The following UBE4B variants were observed in gnomAD, a reference collection of about 807,000 sequenced individuals.
UBE4B encodes ubiquitin conjugation factor E4 B.
A neutral mutation model predicts 148.1 loss-of-function variants in UBE4B; 27 were observed. The observed-to-expected ratio is 0.18, with a 90% CI of 0.13 to 0.25. The LOEUF (loss-of-function observed/expected upper bound fraction) is 0.25, where lower values mean the gene tolerates loss of function less well. UBE4B is among the 10% of genes least tolerant of loss of function. UBE4B has a pLI of 1.00. For synonymous variants in UBE4B, 596 were observed against 619.3 expected (o/e 0.96, Z 0.56); for missense variants, 1,170 against 1,662.4 (o/e 0.70, Z 5.15).
At chr1:10,123,794 A>G (rs1001224865) in intron 10 of UBE4B, among the ~76,000 whole-genome samples, 5 of 152,054 alleles carry the variant, frequency 3.3e-5, no homozygotes, top group African/African-American at 1.2e-4. Context: ...GTTTTTTGAG[A>G]TGGAATTTTG....
At chr1:10,046,831 T>G (rs1348045185) in intron 1 of UBE4B, among the ~76,000 whole-genome samples, 1 of 152,238 alleles carries the variant, frequency 6.6e-6, no homozygotes, top group African/African-American at 2.4e-5. Flanking sequence ...TACCAGACTC[T>G]GAAAACTTTG....
intron 2 of UBE4B, 111 bp from the exon 3 acceptor site, chr1:10,095,347 TTGC>T: frequency 7.9e-7 from 1 of 1,260,524 alleles, no homozygotes; most frequent in Non-Finnish European, 1.1e-6. Context: ...AATTCCTCGG[TTGC>T]TGCAATGTCA....
chr1:10,104,212 AC>A (rs1645070340), intron 5 of UBE4B, among the ~76,000 whole-genome samples: 1 of 152,238 alleles, frequency 6.6e-6, no homozygotes, highest in East Asian at 1.9e-4. Flanking sequence ...GCAAGATAGA[AC>A]ATAATGACAT....
At chr1:10,071,971 G>C in intron 1 of UBE4B, 57 bp from the exon 2 acceptor site, 1 of 1,479,630 alleles carries the variant, frequency 6.8e-7, no homozygotes, top group Admixed American at 2.5e-5. Context: ...TCATTCTCTG[G>C]CAGAATTGTG....
intron 7 of UBE4B, among the ~76,000 whole-genome samples, chr1:10,108,030 A>G (rs1645146112): frequency 6.6e-6 from 1 of 152,162 alleles, no homozygotes; most frequent in South Asian, 2.1e-4. Flanking sequence ...TATTGCGAGA[A>G]TGTTATTGTG....
At chr1:10,100,211 G>C (rs777398196) in intron 3 of UBE4B, among the ~76,000 whole-genome samples, 8 of 152,094 alleles carry the variant, frequency 5.3e-5, no homozygotes, top group Non-Finnish European at 7.4e-5. Context: ...GGATGGTCTC[G>C]ATTTCCTGAC....
chr1:10,180,279 G>A lies in UBE4B; in HGVS notation c.*323G>A. The A allele has an allele frequency of 3.3e-6, 1 of 304,524 alleles. No homozygotes were observed. 18.9% of individuals were successfully genotyped at this position (304,524 alleles called of 1,614,324 possible). ...TTTTAGTGATGGCTAATGGGTCTGG[G>A]CAGCATCCCTTCATGAATTTTTTTT... On this transcript the variant is annotated 3_prime_UTR_variant, in exon 28 of 28. Transcript: ENST00000343090.
At chr1:10,113,272 A>G (rs1263143044) in intron 7 of UBE4B, among the ~76,000 whole-genome samples, 2 of 152,226 alleles carry the variant, frequency 1.3e-5, no homozygotes, top group East Asian at 3.9e-4. Context: ...CTGAGTGAGA[A>G]CTCACTCATC....
At chr1:10,143,774 T>A (rs1645821738) in intron 17 of UBE4B, among the ~76,000 whole-genome samples, 1 of 152,198 alleles carries the variant, frequency 6.6e-6, no homozygotes, top group African/African-American at 2.4e-5. Flanking sequence ...TTGGAATGGC[T>A]ATAATAGAAG....
chr1:10,067,531 T>G (rs1457617159), intron 1 of UBE4B, among the ~76,000 whole-genome samples: 1 of 152,192 alleles, frequency 6.6e-6, no homozygotes, highest in African/African-American at 2.4e-5. Flanking sequence ...TTTGGTGTGT[T>G]GTGACTATTT....
rs188435192 is a variant in UBE4B, at chr1:10,148,851, A to T, written c.2592-333A>T. ...GCTATTCGGGAGGCTGAGACATGAT[A>T]ATCGATTGAACTGGGGAGGTGGAGG... On this transcript the variant is annotated intron_variant, in intron 19 of 27. Transcript: ENST00000343090. Among the ~76,000 whole-genome samples the T allele has an allele frequency of 4.7e-3, 708 of 151,786 alleles. 4 individuals carry two copies. Among genetic ancestry groups the T allele is most frequent in the Non-Finnish European group, 7.5e-3 (508 of 67,928 alleles).
At chr1:10,067,221 G>A (rs996300907) in intron 1 of UBE4B, among the ~76,000 whole-genome samples, 7 of 152,042 alleles carry the variant, frequency 4.6e-5, no homozygotes, top group Non-Finnish European at 1.0e-4. Context: ...GAAGTGCTGC[G>A]TCATATAACA....
chr1:10,134,308 C>G (rs1014730971), intron 15 of UBE4B, among the ~76,000 whole-genome samples: 1 of 151,762 alleles, frequency 6.6e-6, no homozygotes, highest in African/African-American at 2.4e-5. Context: ...GTCAGGAGTT[C>G]GAGACCAGCC....
intron 1 of UBE4B, among the ~76,000 whole-genome samples, chr1:10,044,522 C>T (rs1183628970): frequency 2.0e-5 from 3 of 151,904 alleles, no homozygotes; most frequent in Admixed American, 2.0e-4. Context: ...ATTTGTTGTG[C>T]TCCTTCCTTC....
chr1:10,061,024 G>C (rs1378864559), intron 1 of UBE4B, among the ~76,000 whole-genome samples: 2 of 151,976 alleles, frequency 1.3e-5, no homozygotes, highest in Non-Finnish European at 2.9e-5. Context: ...AGGATTACAG[G>C]TGTAAGCCAC....
At chr1:10,132,085 G>T (rs1292186910) in intron 14 of UBE4B, among the ~76,000 whole-genome samples, 3 of 152,062 alleles carry the variant, frequency 2.0e-5, no homozygotes, top group Non-Finnish European at 4.4e-5. Flanking sequence ...AGCTGAGATT[G>T]CACCACTGCA....
intron 1 of UBE4B, chr1:10,054,482 C>T: frequency 2.3e-6 from 1 of 432,246 alleles, no homozygotes; most frequent in Non-Finnish European, 4.5e-6. Flanking sequence ...GCAGCTCAGG[C>T]TTCTTCCCAT....
At chr1:10,154,393 A>AG (rs1253988228) in intron 21 of UBE4B, among the ~76,000 whole-genome samples, 3 of 152,186 alleles carry the variant, frequency 2.0e-5, no homozygotes, top group Non-Finnish European at 4.4e-5. Context: ...TTAAAAAAAA[A>AG]GAGTGGATTT....
intron 4 of UBE4B, among the ~76,000 whole-genome samples, chr1:10,101,600 C>T (rs1570890765): frequency 6.7e-6 from 1 of 149,808 alleles, no homozygotes; most frequent in East Asian, 2.0e-4. Context: ...GCTCCGCCTC[C>T]CAGGTTCACA....
Sources: allele counts gnomAD v4.1 joint callset (sites outside exome capture counted in the v4.1 genomes callset), GRCh38; gene constraint gnomAD v4.1.1; transcripts MANE v1.5; gene names NCBI Gene and HGNC (gene_info 2026-07-23, HGNC 2026-07-21).